Variants in ADAMTS7 observed in about 807,000 individuals in gnomAD.
ADAMTS7 encodes the protein A disintegrin and metalloproteinase with thrombospondin motifs 7.
A neutral mutation model predicts 172.6 loss-of-function variants in ADAMTS7; 89 were observed. The observed-to-expected ratio is 0.52, with a 90% CI of 0.43 to 0.61. The LOEUF (loss-of-function observed/expected upper bound fraction) is 0.61, where lower values mean the gene tolerates loss of function less well. Ranked by LOEUF, ADAMTS7 falls within the 20% of genes least tolerant of loss-of-function variation. The pLI, the probability that ADAMTS7 is intolerant of heterozygous loss-of-function variation, is 0.00. For synonymous variants in ADAMTS7, 885 were observed against 978.4 expected (o/e 0.90, Z 1.78); for missense variants, 1,973 against 2,355.6 (o/e 0.84, Z 3.36).
chr15:78,809,338 A>G (rs982009943), intron 1 of ADAMTS7, among the ~76,000 whole-genome samples: 1 of 152,174 alleles, frequency 6.6e-6, no homozygotes. Flanking sequence ...CAAACAGGCC[A>G]GCAGCCTCAG....
rs1045140 is a variant in ADAMTS7 at position 78,759,297 on chromosome 15, G to T, written c.*124C>A. On this transcript the variant is annotated 3_prime_UTR_variant, in exon 24 of 24. Transcript: ENST00000388820. ...AAATACCTTTTTTGAGGGGGAGGAGGTCCCCAGCCTGCTGCTGGGTAGTGA... is the reference window on the plus strand; with the variant it reads ...AAATACCTTTTTTGAGGGGGAGGAGTTCCCCAGCCTGCTGCTGGGTAGTGA... 64 of 853,304 alleles carry T rather than the reference G, an allele frequency of 7.5e-5. 1 individual carries two copies. In the South Asian group the frequency reaches 1.4e-3, roughly 19 times the overall value. The allele number at this position is 853,304 out of a possible 1,614,324, so 52.9% of individuals were successfully genotyped here.
rs139603338 is a variant in ADAMTS7 at position 78,794,760 on chromosome 15, C to T, written c.819+1830G>A. ...TGAGATGGAGTCTCGCTCTGTCACC[C>T]AGGCAGGAGTGCAGTGGCACGATCT... On this transcript the variant is annotated intron_variant, in intron 4 of 23. Transcript: ENST00000388820. Among the ~76,000 whole-genome samples, 518 of 152,304 alleles carry T rather than the reference C, an allele frequency of 3.4e-3. 2 individuals are homozygous for T. Among genetic ancestry groups the T allele is most frequent in the African/African-American group, 0.011 (473 of 41,578 alleles).
At chr15:78,804,802 G>A (rs1228547857) in intron 1 of ADAMTS7, among the ~76,000 whole-genome samples, 1 of 152,154 alleles carries the variant, frequency 6.6e-6, no homozygotes, top group African/African-American at 2.4e-5. Flanking sequence ...ACTAGTGCAA[G>A]GATTTTCCAG....
chr15:78,763,327 G>A (rs924318288), intron 22 of ADAMTS7, among the ~76,000 whole-genome samples: 1 of 152,200 alleles, frequency 6.6e-6, no homozygotes, highest in Non-Finnish European at 1.5e-5. Context: ...GCCCATCTGA[G>A]GCCCCTCTTA....
Position 78,766,909 on chromosome 15 carries a change from A to C in ADAMTS7, c.3002T>G (p.Leu1001Arg), listed in dbSNP as rs2055165835. 6.2e-7 allele frequency: 1 copy of C among 1,610,014 alleles called. No individual in the cohort carries two copies. Among genetic ancestry groups the C allele is most frequent in the Non-Finnish European group, 8.5e-7 (1 of 1,179,264 alleles). The change falls in exon 19 of 24, where the codon CTG becomes CGG. Residue 1001 changes from leucine to arginine, a missense_variant. By Grantham distance (102) the Leu-to-Arg change is moderately radical (BLOSUM62 -2). Around this residue, in one of 8 missense-constraint regions of ADAMTS7, gnomAD observed 771 missense variants for 952.6 expected, o/e 0.81. Transcript: ENST00000388820. ...GCCGCTGCCTGAGCCTTCAGGGCCC[A>C]GTGTGCCCAGGGGCCACCGACAGAG... ...LPLCRWPLGT[L>R]GPEGSGSGSS...
intron 10 of ADAMTS7, 163 bp from the exon 11 acceptor site, chr15:78,776,496 G>A (rs2141490502): frequency 1.8e-6 from 2 of 1,115,762 alleles, no homozygotes; most frequent in South Asian, 1.5e-5. Context: ...TGTGACCCAG[G>A]CCACATGGAG....
rs538023838 is a variant in ADAMTS7, at chr15:78,810,260, G to A, written c.100+861C>T. On this transcript the variant is annotated intron_variant, in intron 1 of 23. Coordinates refer to ENST00000388820, the MANE Select transcript of ADAMTS7 (RefSeq NM_014272.5). ...ATGCCCCTCCTCTCCTACAAAGCCTGCCGGTCGGCTCTATTGCAGGACTCT... is the reference window on the plus strand; with the variant it reads ...ATGCCCCTCCTCTCCTACAAAGCCTACCGGTCGGCTCTATTGCAGGACTCT... Among the ~76,000 whole-genome samples, 5 of 152,330 alleles carry A rather than the reference G, an allele frequency of 3.3e-5. No individual in the cohort carries two copies. The South Asian group carries it at 1.0e-3, about 32-fold the overall frequency.
At chr15:78,787,517 A>G (rs1368099544) in intron 8 of ADAMTS7, among the ~76,000 whole-genome samples, 1 of 152,130 alleles carries the variant, frequency 6.6e-6, no homozygotes, top group Admixed American at 6.6e-5. Context: ...TACAAAAAGT[A>G]GCCAGCCGTT....
chr15:78,764,948 T>G (rs1167025696), intron 19 of ADAMTS7: 6 of 446,342 alleles, frequency 1.3e-5, no homozygotes, highest in Admixed American at 3.9e-5. Context: ...GGGCCTGTGT[T>G]CCAGTGTCAT....
In ADAMTS7 at chr15:78,766,971, G is replaced by A. The variant is rs140837158; in HGVS notation, c.2940C>T (p.Ala980=). ...AGGTGACTTCGCTGGCTGGCTGCTG[G>A]GCCTCGTCACAGGGGACACCGGTGT... The part of the protein sequence containing the change: ...TNDTGVPCDE[A]QQPASEVTCS... Residue 980 remains alanine (A), a synonymous_variant, in exon 19 of 24, where the codon GCC becomes GCT. Coordinates refer to ENST00000388820, the MANE Select transcript of ADAMTS7 (RefSeq NM_014272.5). The A allele has an allele frequency of 1.6e-3, 2,598 of 1,610,140 alleles. 37 individuals carry two copies. In the African/African-American group the frequency reaches 0.028, roughly 17 times the overall value.
chr15:78,776,054 T>C, intron 11 of ADAMTS7, 134 bp downstream of exon 11: 1 of 1,245,144 alleles, frequency 8.0e-7, no homozygotes. Context: ...TAAGGTGGCC[T>C]GGACACTCGG....
At position 78,764,068 on chromosome 15, in the gene ADAMTS7, A is replaced by G; in HGVS notation, c.4451T>C (p.Val1484Ala). The G allele has an allele frequency of 2.0e-6, 3 of 1,532,080 alleles. No homozygotes were observed. The highest frequency in any genetic ancestry group is 1.2e-5 in the South Asian group (1 of 82,284). The allele number at this position is 1,532,080 out of a possible 1,614,324, so 94.9% of individuals were successfully genotyped here. ...CSRSCGGGSS[V>A]RDVQCVDTRD... Reference sequence around the variant, plus strand: ...TGTGTCCACACACTGCACGTCCCGCACTGAGGAACCTCCGCCGCAGCTGCG... The same window carrying G: ...TGTGTCCACACACTGCACGTCCCGCGCTGAGGAACCTCCGCCGCAGCTGCG... Residue 1484 changes from valine to alanine, a missense_variant, in exon 21 of 24, where the codon GTG becomes GCG. Physicochemically the swap from Val to Ala is moderately conservative, Grantham distance 64 (BLOSUM62 0). Transcript: ENST00000388820.
intron 23 of ADAMTS7, among the ~76,000 whole-genome samples, chr15:78,759,971 C>G (rs1243835721): frequency 6.6e-6 from 1 of 152,144 alleles, no homozygotes; most frequent in Non-Finnish European, 1.5e-5. Flanking sequence ...CTCCTGCCAG[C>G]CTGCAGCGGC....
intron 1 of ADAMTS7, among the ~76,000 whole-genome samples, chr15:78,809,118 A>T (rs1351599464): frequency 1.3e-5 from 2 of 152,178 alleles, no homozygotes; most frequent in African/African-American, 4.8e-5. Flanking sequence ...ACATGCACAC[A>T]GAGTTCACAT....
chr15:78,759,544 G>T lies in ADAMTS7; in HGVS notation c.4938C>A (p.Cys1646Ter). Residue 1646 changes from cysteine to a stop codon, truncating the protein, a stop_gained, in exon 24 of 24, where the codon TGC becomes TGA. Transcript: ENST00000388820. LOFTEE classifies it low-confidence loss of function (END_TRUNC). Reference sequence around the variant, plus strand: ...AGCGGCCCAGTAGGCGCAGCGTCTCGCAGAACCCGAAGGACAGGCGGTCCC... The same window carrying T: ...AGCGGCCCAGTAGGCGCAGCGTCTCTCAGAACCCGAAGGACAGGCGGTCCC... ...CERDRLSFGF[C>*]ETLRLLGRCQ... 3.2e-6 allele frequency: 5 copies of T among 1,587,118 alleles called. No homozygotes were observed. Among genetic ancestry groups the T allele is most frequent in the Non-Finnish European group, 3.4e-6 (4 of 1,172,716 alleles).
chr15:78,763,950 G>T lies in ADAMTS7; in HGVS notation c.4569C>A (p.Ser1523Arg). ...CCTCCCTCCAGGAAGATGTGTACCA[G>T]CTGAGGCAGGGCTGGGCCCCGCAGG... ...HRPCGAQPCL[S>R]WYTSSWRECS... Residue 1523 changes from serine to arginine, a missense_variant, in exon 21 of 24, where the codon AGC becomes AGA. Transcript: ENST00000388820. 6.5e-7 allele frequency: 1 copy of T among 1,547,040 alleles called. No individual in the cohort carries two copies. The highest frequency in any genetic ancestry group is 1.4e-5 in the African/African-American group (1 of 74,038).
chr15:78,780,880 C>A (rs1314478738), intron 8 of ADAMTS7, among the ~76,000 whole-genome samples: 5 of 152,188 alleles, frequency 3.3e-5, no homozygotes, highest in Admixed American at 6.5e-5. Context: ...TACAGACCCA[C>A]GAGGACTGCA....
chr15:78,796,874 G>GAGGAGA, intron 3 of ADAMTS7, 88 bp from the exon 4 acceptor site: 2 of 1,253,178 alleles, frequency 1.6e-6, no homozygotes, highest in Non-Finnish European at 2.2e-6. Flanking sequence ...AGCTCTCTCT[G>GAGGAGA]GGGCACTGGG....
chr15:78,787,838 C>T (rs1764791473), intron 8 of ADAMTS7, among the ~76,000 whole-genome samples: 1 of 152,180 alleles, frequency 6.6e-6, no homozygotes, highest in African/African-American at 2.4e-5. Flanking sequence ...GCCTTTGCTC[C>T]CATAGCCTTG....
Sources: allele counts gnomAD v4.1 joint callset (sites outside exome capture counted in the v4.1 genomes callset), GRCh38; gene constraint gnomAD v4.1.1; regional missense constraint gnomAD v4.1.1; transcripts MANE v1.5; gene names NCBI Gene and HGNC (gene_info 2026-07-23, HGNC 2026-07-21).